Variants in FAT3 observed in about 807,000 individuals in gnomAD.
FAT3 encodes protocadherin Fat 3.
FAT3 carries 95 observed loss-of-function variants against 310.2 expected under a neutral mutation model. That is an observed-to-expected ratio of 0.31 (90% CI 0.26 to 0.36). The LOEUF is 0.36. Ranked by LOEUF, FAT3 falls within the 10% of genes least tolerant of loss-of-function variation. The probability of loss-of-function intolerance (pLI) is 1.00; values close to 1 mark genes in which losing one functional copy is unlikely to be tolerated. For missense variants in FAT3, 5,408 were observed against 5,715.6 expected (o/e 0.95, Z 1.74); for synonymous variants, 2,314 against 2,192.9 (o/e 1.06, Z -1.54).
At chr11:92,397,199 T>C (rs1949888553) in intron 2 of FAT3, among the ~76,000 whole-genome samples, 1 of 152,062 alleles carries the variant, frequency 6.6e-6, no homozygotes, top group Non-Finnish European at 1.5e-5. Flanking sequence ...TTTGGTTTGG[T>C]CTTTATATAT....
intron 3 of FAT3, among the ~76,000 whole-genome samples, chr11:92,650,753 T>C (rs993320376): frequency 5.9e-5 from 9 of 152,166 alleles, no homozygotes; most frequent in African/African-American, 2.2e-4. Flanking sequence ...CCTTGCTAGT[T>C]CTGGAGATCA....
chr11:92,780,184 C>T (rs1447324706), intron 7 of FAT3, among the ~76,000 whole-genome samples: 2 of 134,480 alleles, frequency 1.5e-5, no homozygotes, highest in South Asian at 2.3e-4. Flanking sequence ...TTTTCCAGGA[C>T]AGGGTCTCAC....
chr11:92,732,529 G>A lies in FAT3; in HGVS notation c.3670-29327G>A, dbSNP rs190444640. Among the ~76,000 whole-genome samples the A allele has an allele frequency of 2.0e-5, 3 of 152,174 alleles. No individual in the cohort carries two copies. In the East Asian group the frequency reaches 5.8e-4, roughly 29 times the overall value. Reference sequence around the variant, plus strand: ...AAAATTAATGATAAACCTCTTCACAGCAAGCCATCATCTGACAGTAGAGAA... The same window carrying A: ...AAAATTAATGATAAACCTCTTCACAACAAGCCATCATCTGACAGTAGAGAA... On this transcript the variant is annotated intron_variant, in intron 4 of 27. Transcript: ENST00000525166.
intron 3 of FAT3, among the ~76,000 whole-genome samples, chr11:92,547,003 A>C (rs1954638346): frequency 6.6e-6 from 1 of 152,214 alleles, no homozygotes; most frequent in Admixed American, 6.5e-5. Flanking sequence ...TTCACATAAT[A>C]CGTAAGGTCT....
intron 3 of FAT3, among the ~76,000 whole-genome samples, chr11:92,620,577 CT>C (rs1446822184): frequency 6.6e-6 from 1 of 152,140 alleles, no homozygotes; most frequent in Non-Finnish European, 1.5e-5. Context: ...GTCAAACCGT[CT>C]TCTAAGCTAA....
chr11:92,518,531 G>T (rs1174727430), intron 2 of FAT3, among the ~76,000 whole-genome samples: 2 of 152,034 alleles, frequency 1.3e-5, no homozygotes, highest in East Asian at 3.9e-4. Flanking sequence ...GGCTAGGGGA[G>T]AGATAGCATT....
chr11:92,415,341 A>G (rs1950384161), intron 2 of FAT3, among the ~76,000 whole-genome samples: 2 of 152,266 alleles, frequency 1.3e-5, no homozygotes, highest in Middle Eastern at 3.4e-3. Flanking sequence ...CATTTGTTAT[A>G]TGCCTTGGGT....
At chr11:92,848,277 A>G (rs985894413) in intron 19 of FAT3, among the ~76,000 whole-genome samples, 1 of 152,242 alleles carries the variant, frequency 6.6e-6, no homozygotes, top group Non-Finnish European at 1.5e-5. Flanking sequence ...TAAGCTTATT[A>G]GACTCCAGCT....
In FAT3 at chr11:92,358,397, T is replaced by A. The variant is rs1044530446; in HGVS notation, c.3292+2993T>A. On this transcript the variant is annotated intron_variant, in intron 2 of 27. Coordinates refer to ENST00000525166, the MANE Select transcript of FAT3 (RefSeq NM_001367949.2). Reference sequence around the variant, plus strand: ...TCTCCTCAATCCTAATCCATTGCCCTTTCCTTTCAATTCTTTCATGTTTCT... The same window carrying A: ...TCTCCTCAATCCTAATCCATTGCCCATTCCTTTCAATTCTTTCATGTTTCT... 7.9e-5 allele frequency among the ~76,000 whole-genome samples: 12 copies of A among 152,286 alleles called. No individual in the cohort carries two copies. In the South Asian group the frequency reaches 2.5e-3, roughly 32 times the overall value.
intron 2 of FAT3, among the ~76,000 whole-genome samples, chr11:92,445,412 G>A (rs1193507530): frequency 1.3e-5 from 2 of 151,984 alleles, no homozygotes; most frequent in African/African-American, 4.8e-5. Context: ...GAGAATCACT[G>A]GTTTTCATTG....
Position 92,572,386 on chromosome 11 carries a change from T to C in FAT3, c.3607+47438T>C, listed in dbSNP as rs376639602. Among the ~76,000 whole-genome samples the C allele has an allele frequency of 3.9e-5, 6 of 152,208 alleles. No individual in the cohort carries two copies. In the East Asian group the frequency reaches 7.7e-4, roughly 20 times the overall value. ...AATGATAACCCTGAACATGTGATGA[T>C]GAAAATCAAGTGAAATGAACACTAT... On this transcript the variant is annotated intron_variant, in intron 3 of 27. Coordinates refer to ENST00000525166, the MANE Select transcript of FAT3 (RefSeq NM_001367949.2).
chr11:92,411,203 G>A (rs1950261405), intron 2 of FAT3, among the ~76,000 whole-genome samples: 1 of 146,018 alleles, frequency 6.8e-6, no homozygotes, highest in South Asian at 2.1e-4. Flanking sequence ...ATCAGTGAAG[G>A]CCTCTAGGCA....
chr11:92,754,140 A>T (rs141874819), intron 4 of FAT3, among the ~76,000 whole-genome samples: 1 of 152,050 alleles, frequency 6.6e-6, no homozygotes, highest in African/African-American at 2.4e-5. Context: ...GAAATATAAT[A>T]CTAAAAAATA....
chr11:92,526,024 A>G (rs933124465), intron 3 of FAT3, among the ~76,000 whole-genome samples: 2 of 152,208 alleles, frequency 1.3e-5, no homozygotes, highest in African/African-American at 2.4e-5. Context: ...AGACTTTTGC[A>G]TTCTAACAGT....
intron 2 of FAT3, among the ~76,000 whole-genome samples, chr11:92,487,304 A>G (rs1019455365): frequency 6.6e-6 from 1 of 152,196 alleles, no homozygotes. Context: ...AGCACAGGAA[A>G]TAAAACATTT....
intron 2 of FAT3, among the ~76,000 whole-genome samples, chr11:92,385,360 A>G (rs1949592754): frequency 6.6e-6 from 1 of 151,992 alleles, no homozygotes; most frequent in South Asian, 2.1e-4. Context: ...TTTGAGACAG[A>G]GTCTTATTTT....
chr11:92,396,322 G>T lies in FAT3; in HGVS notation c.3292+40918G>T, dbSNP rs144579621. On this transcript the variant is annotated intron_variant, in intron 2 of 27. Coordinates refer to ENST00000525166, the MANE Select transcript of FAT3 (RefSeq NM_001367949.2). ...TGTAACTAGTCCCAAACCAGGATTT[G>T]TTTACTTATCTAAACCTTGGTAGCT... Among the ~76,000 whole-genome samples, 313 of 152,274 alleles carry T rather than the reference G, an allele frequency of 2.1e-3. 2 individuals carry two copies. The highest frequency in any genetic ancestry group is 6.5e-3 in the African/African-American group (272 of 41,548).
intron 3 of FAT3, among the ~76,000 whole-genome samples, chr11:92,684,384 G>A (rs890792403): frequency 2.0e-5 from 3 of 152,104 alleles, no homozygotes; most frequent in South Asian, 2.1e-4. Flanking sequence ...AGAAAGTCCC[G>A]GGACCCTGGA....
intron 2 of FAT3, among the ~76,000 whole-genome samples, chr11:92,393,551 G>A (rs1458119459): frequency 6.6e-6 from 1 of 152,104 alleles, no homozygotes; most frequent in Non-Finnish European, 1.5e-5. Flanking sequence ...CCGACATCTC[G>A]ATCTGGATAA....
Sources: gnomAD v4.1 joint callset for allele counts (sites outside exome capture counted in the v4.1 genomes callset) on GRCh38, gnomAD v4.1.1 for gene constraint, MANE v1.5 for transcripts, NCBI Gene and HGNC (gene_info 2026-07-23, HGNC 2026-07-21) for gene names.